FAF1: variants seen among roughly 807,000 people sequenced by gnomAD.
FAF1 encodes FAS-associated factor 1.
FAF1 carries 25 observed loss-of-function variants against 92.5 expected under a neutral mutation model. The ratio of observed to expected loss-of-function variants is 0.27; its 90% CI spans 0.20 to 0.38. FAF1 has a LOEUF of 0.38. Among genes scored for constraint, FAF1 ranks in the 10% least tolerant of loss-of-function variants. The pLI is 1.00. For synonymous variants in FAF1, 234 were observed against 273.2 expected (o/e 0.86, Z 1.42); for missense variants, 636 against 793.3 (o/e 0.80, Z 2.38).
Position 50,846,397 on chromosome 1 carries a change from T to C in FAF1, c.114+11532A>G, listed in dbSNP as rs1570043607. 7 of 355,038 alleles carry C rather than the reference T, an allele frequency of 2.0e-5. No individual in the cohort carries two copies. The Admixed American group carries it at 2.6e-4, about 13-fold the overall frequency. The allele number at this position is 355,038 out of a possible 1,614,324, so 22.0% of individuals were successfully genotyped here. ...CCCGGCCACCTCCAGGTCCCCGCCA[T>C]CCCTGCCATCCCGCCCCTTCGCGTC... On this transcript the variant is annotated intron_variant, in intron 2 of 18. Transcript: ENST00000396153.
chr1:50,578,115 T>C (rs574593203), intron 12 of FAF1, among the ~76,000 whole-genome samples: 1 of 152,326 alleles, frequency 6.6e-6, no homozygotes, highest in African/African-American at 2.4e-5. Context: ...AATAAACATT[T>C]AATGAGTATA....
At position 50,636,321 on chromosome 1, in the gene FAF1, T is replaced by C. The variant is rs374525317; in HGVS notation, c.744+19121A>G. ...CCTTGTGTTTTCTAGTCAACTACCA[T>C]ACCTGATCTGAGGCAAACACCATGA... On this transcript the variant is annotated intron_variant, in intron 8 of 18. Coordinates refer to ENST00000396153, the MANE Select transcript of FAF1 (RefSeq NM_007051.3). Among the ~76,000 whole-genome samples the C allele has an allele frequency of 3.8e-4, 57 of 151,510 alleles. 4 individuals carry two copies. Among genetic ancestry groups the C allele is most frequent in the African/African-American group, 1.4e-3 (56 of 41,358 alleles).
At chr1:50,901,625 G>A (rs1557581659) in intron 1 of FAF1, among the ~76,000 whole-genome samples, 1 of 152,148 alleles carries the variant, frequency 6.6e-6, no homozygotes, top group Non-Finnish European at 1.5e-5. Flanking sequence ...CAGCACTTTG[G>A]GAAGCCAAGG....
intron 13 of FAF1, among the ~76,000 whole-genome samples, chr1:50,558,107 C>T (rs1649681286): frequency 6.6e-6 from 1 of 151,924 alleles, no homozygotes; most frequent in Admixed American, 6.6e-5. Context: ...CTATGTTGGC[C>T]AGGCTGGTCT....
chr1:50,652,559 T>C (rs549135764), intron 8 of FAF1, among the ~76,000 whole-genome samples: 1 of 152,338 alleles, frequency 6.6e-6, no homozygotes, highest in East Asian at 1.9e-4. Flanking sequence ...TTATCTTATG[T>C]CCCTGCTCTT....
intron 8 of FAF1, among the ~76,000 whole-genome samples, chr1:50,647,679 T>C (rs1395911708): frequency 1.3e-5 from 2 of 152,294 alleles, no homozygotes; most frequent in East Asian, 1.9e-4. Flanking sequence ...GTCTTCAAAA[T>C]AAACCTAGCA....
chr1:50,914,980 C>G (rs566089873), intron 1 of FAF1, among the ~76,000 whole-genome samples: 368 of 152,338 alleles, frequency 2.4e-3, no homozygotes, highest in Non-Finnish European at 4.2e-3. Flanking sequence ...AATCAGCTCT[C>G]CACATTGCAA....
At chr1:50,793,517 G>GA (rs1476698536) in intron 3 of FAF1, among the ~76,000 whole-genome samples, 1 of 152,038 alleles carries the variant, frequency 6.6e-6, no homozygotes, top group African/African-American at 2.4e-5. Context: ...AGGTATAATA[G>GA]AAAAAAACAC....
At position 50,894,873 on chromosome 1, in the gene FAF1, G is replaced by T. The variant is rs186369498; in HGVS notation, c.46-36876C>A. On this transcript the variant is annotated intron_variant, in intron 1 of 18. Transcript: ENST00000396153. ...CAAAACCTATGGGGTTACAGCAAAA[G>T]CAAGAGGGAAGTACCAAATATCAAG... 6.0e-4 allele frequency among the ~76,000 whole-genome samples: 92 copies of T among 152,184 alleles called. 1 individual carries two copies. In the East Asian group the frequency reaches 0.014, roughly 23 times the overall value.
rs534152974 is a variant in FAF1, at chr1:50,561,695, A to G, written c.1268+5382T>C. Among the ~76,000 whole-genome samples the G allele has an allele frequency of 2.4e-4, 36 of 152,152 alleles. No individual in the cohort carries two copies. In the South Asian group the frequency reaches 3.9e-3, roughly 17 times the overall value. On this transcript the variant is annotated intron_variant, in intron 13 of 18. Coordinates refer to ENST00000396153, the MANE Select transcript of FAF1 (RefSeq NM_007051.3). ...ACAAAAATTAGCCAGGCGTGGTGGCACACACCTGTAGTTCCAGCTACTCGG... is the reference window on the plus strand; with the variant it reads ...ACAAAAATTAGCCAGGCGTGGTGGCGCACACCTGTAGTTCCAGCTACTCGG...
At chr1:50,804,771 A>G (rs1247109861) in intron 2 of FAF1, among the ~76,000 whole-genome samples, 1 of 152,174 alleles carries the variant, frequency 6.6e-6, no homozygotes, top group Non-Finnish European at 1.5e-5. Flanking sequence ...TAGAATCCAC[A>G]GGAAAGAGAG....
At chr1:50,857,551 C>G (rs1002541024) in intron 2 of FAF1, among the ~76,000 whole-genome samples, 2 of 151,764 alleles carry the variant, frequency 1.3e-5, no homozygotes, top group African/African-American at 4.8e-5. Flanking sequence ...ACTTTAACAG[C>G]TTTAGAAAAG....
chr1:50,775,248 C>T (rs951567390), intron 4 of FAF1, among the ~76,000 whole-genome samples: 2 of 151,924 alleles, frequency 1.3e-5, no homozygotes, highest in African/African-American at 4.8e-5. Context: ...TATTCATATA[C>T]TCATTTATTG....
At chr1:50,603,440 T>C (rs1216318150) in intron 8 of FAF1, among the ~76,000 whole-genome samples, 1 of 152,228 alleles carries the variant, frequency 6.6e-6, no homozygotes, top group Non-Finnish European at 1.5e-5. Flanking sequence ...TTTTTTATAG[T>C]AAGGAGTCCT....
rs80104311 is a variant in FAF1 at position 50,925,580 on chromosome 1, T to A, written c.45+34187A>T. 5.1e-3 allele frequency among the ~76,000 whole-genome samples: 771 copies of A among 152,130 alleles called. 6 individuals are homozygous for A. The highest frequency in any genetic ancestry group is 7.5e-3 in the Non-Finnish European group (507 of 67,980). On this transcript the variant is annotated intron_variant, in intron 1 of 18. Coordinates refer to ENST00000396153, the MANE Select transcript of FAF1 (RefSeq NM_007051.3). Reference sequence around the variant, plus strand: ...CTCACCCCGCTCAGAATGGCTATTATCAAAGACAAAAAATTACAAATGCTG... The same window carrying A: ...CTCACCCCGCTCAGAATGGCTATTAACAAAGACAAAAAATTACAAATGCTG...
intron 18 of FAF1, among the ~76,000 whole-genome samples, chr1:50,465,149 C>T (rs920017453): frequency 2.0e-5 from 3 of 152,194 alleles, no homozygotes; most frequent in African/African-American, 7.2e-5. Flanking sequence ...TCTGCCACTG[C>T]TTGGCTACGT....
chr1:50,890,298 A>G lies in FAF1; in HGVS notation c.46-32301T>C, dbSNP rs536190615. 1.4e-4 allele frequency among the ~76,000 whole-genome samples: 22 copies of G among 152,166 alleles called. No individual in the cohort carries two copies. The East Asian group carries it at 2.5e-3, about 17-fold the overall frequency. On this transcript the variant is annotated intron_variant, in intron 1 of 18. Transcript: ENST00000396153. Reference sequence around the variant, plus strand: ...TTTCCTGAATACAGCACACTGATGGATCTTGACTCTTTATCCAATTTGCCA... The same window carrying G: ...TTTCCTGAATACAGCACACTGATGGGTCTTGACTCTTTATCCAATTTGCCA...
intron 8 of FAF1, among the ~76,000 whole-genome samples, chr1:50,637,710 T>TGC (rs1553123420): frequency 3.3e-5 from 5 of 151,068 alleles, no homozygotes; most frequent in African/African-American, 1.2e-4. Flanking sequence ...TGTGTGTGTG[T>TGC]GTGCGTGTGC....
At chr1:50,908,756 G>A (rs1207350356) in intron 1 of FAF1, among the ~76,000 whole-genome samples, 2 of 151,806 alleles carry the variant, frequency 1.3e-5, no homozygotes, top group Admixed American at 1.3e-4. Flanking sequence ...TTTATTTTGA[G>A]CCTATGTGTG....
Sources: allele counts gnomAD v4.1 joint callset (sites outside exome capture counted in the v4.1 genomes callset), GRCh38; gene constraint gnomAD v4.1.1; transcripts MANE v1.5; gene names NCBI Gene and HGNC (gene_info 2026-07-23, HGNC 2026-07-21).